The following GPR176 variants were observed in gnomAD, a reference collection of about 807,000 sequenced individuals.
GPR176 encodes the protein G-protein coupled receptor 176.
Under a neutral mutation model 35.4 loss-of-function variants are expected in GPR176, and 26 were observed. The ratio of observed to expected loss-of-function variants is 0.74; its 90% CI spans 0.54 to 1.02. The LOEUF (loss-of-function observed/expected upper bound fraction) is 1.02. Among genes scored for constraint, GPR176 ranks in the 50% least tolerant of loss-of-function variants. The probability of loss-of-function intolerance (pLI) is 0.00; values close to 1 mark genes in which losing one functional copy is unlikely to be tolerated. For synonymous variants in GPR176, 278 were observed against 271.3 expected, an observed-to-expected ratio of 1.02 and a Z score of -0.24; for missense variants, 597 against 665.3, an observed-to-expected ratio of 0.90 and a Z score of 1.13.
chr15:39,889,962 C>T (rs1391067953), intron 1 of GPR176, among the ~76,000 whole-genome samples: 1 of 152,164 alleles, frequency 6.6e-6, no homozygotes, highest in African/African-American at 2.4e-5. Context: ...GTTTTAGAGC[C>T]TATGTCCATA....
intron 1 of GPR176, among the ~76,000 whole-genome samples, chr15:39,834,211 A>G (rs1901261016): frequency 6.6e-6 from 1 of 152,200 alleles, no homozygotes; most frequent in Non-Finnish European, 1.5e-5. Context: ...GAAGAAAAAG[A>G]ATCCAGCTCT....
At chr15:39,884,690 C>A (rs797012989) in intron 1 of GPR176, among the ~76,000 whole-genome samples, 1 of 152,086 alleles carries the variant, frequency 6.6e-6, no homozygotes, top group Non-Finnish European at 1.5e-5. Context: ...GTGTTGTATA[C>A]CAGGCAGAAG....
At chr15:39,917,518 T>C (rs2033758398) in intron 1 of GPR176, among the ~76,000 whole-genome samples, 2 of 151,342 alleles carry the variant, frequency 1.3e-5, no homozygotes, top group African/African-American at 4.8e-5. Flanking sequence ...GTATTTTTAG[T>C]ACAGTCGGGA....
intron 1 of GPR176, among the ~76,000 whole-genome samples, chr15:39,818,327 C>T (rs1900052225): frequency 6.6e-6 from 1 of 152,154 alleles, no homozygotes; most frequent in Non-Finnish European, 1.5e-5. Context: ...AAAGTTCAAA[C>T]TAAGCAGGAG....
intron 1 of GPR176, among the ~76,000 whole-genome samples, chr15:39,817,712 G>C (rs1900008837): frequency 6.6e-6 from 1 of 152,210 alleles, no homozygotes; most frequent in Non-Finnish European, 1.5e-5. Flanking sequence ...GCAAGAGAGA[G>C]AGCGAGGGAA....
intron 1 of GPR176, among the ~76,000 whole-genome samples, chr15:39,912,795 AT>A (rs1404414131): frequency 6.6e-6 from 1 of 152,180 alleles, no homozygotes. Context: ...AAACATAGCT[AT>A]GTTTCTTTGT....
At chr15:39,912,025 T>TA (rs1239647092) in intron 1 of GPR176, among the ~76,000 whole-genome samples, 1 of 152,196 alleles carries the variant, frequency 6.6e-6, no homozygotes, top group Non-Finnish European at 1.5e-5. Flanking sequence ...GGAATACAGA[T>TA]ACTGCTAACT....
At chr15:39,883,156 T>C (rs754759862) in intron 1 of GPR176, among the ~76,000 whole-genome samples, 3 of 152,208 alleles carry the variant, frequency 2.0e-5, no homozygotes, top group Non-Finnish European at 4.4e-5. Flanking sequence ...TCAATCTGAA[T>C]TATCCAAACT....
In GPR176 at chr15:39,916,879, C is replaced by T. The variant is rs533082615; in HGVS notation, c.172+2976G>A. Among the ~76,000 whole-genome samples, 16 of 152,286 alleles carry T rather than the reference C, an allele frequency of 1.1e-4. No homozygotes were observed. In the East Asian group the frequency reaches 2.7e-3, roughly 26 times the overall value. Reference sequence around the variant, plus strand: ...AGTTTTCTTGCCTTGCTTCTGACTGCACATGGCTTTGAAACTTAAGCTCTG... The same window carrying T: ...AGTTTTCTTGCCTTGCTTCTGACTGTACATGGCTTTGAAACTTAAGCTCTG... On this transcript the variant is annotated intron_variant, in intron 1 of 2. Transcript: ENST00000561100.
intron 1 of GPR176, among the ~76,000 whole-genome samples, chr15:39,844,870 G>A (rs1241167591): frequency 6.6e-6 from 1 of 152,080 alleles, no homozygotes; most frequent in Non-Finnish European, 1.5e-5. Flanking sequence ...CAACCATCCT[G>A]GTTTGTCCAG....
intron 1 of GPR176, among the ~76,000 whole-genome samples, chr15:39,899,614 A>G (rs1374346143): frequency 6.6e-6 from 1 of 152,242 alleles, no homozygotes; most frequent in Non-Finnish European, 1.5e-5. Flanking sequence ...TAATGCTAGA[A>G]TGAATGATCA....
chr15:39,906,478 A>G (rs2033424898), intron 1 of GPR176, among the ~76,000 whole-genome samples: 1 of 152,234 alleles, frequency 6.6e-6, no homozygotes, highest in Non-Finnish European at 1.5e-5. Flanking sequence ...AGGAAGGGTC[A>G]TGTCCCCAGG....
chr15:39,811,389 G>T (rs898817215), intron 1 of GPR176, among the ~76,000 whole-genome samples: 1 of 152,052 alleles, frequency 6.6e-6, no homozygotes, highest in Admixed American at 6.5e-5. Flanking sequence ...CATCCTGCCA[G>T]TTGTTTCCTA....
chr15:39,916,784 A>G (rs1270804025), intron 1 of GPR176, among the ~76,000 whole-genome samples: 2 of 152,256 alleles, frequency 1.3e-5, no homozygotes, highest in South Asian at 2.1e-4. Flanking sequence ...TCAATCATAC[A>G]GATTCCTTTT....
chr15:39,879,546 C>G (rs1566960630), intron 1 of GPR176, among the ~76,000 whole-genome samples: 1 of 152,116 alleles, frequency 6.6e-6, no homozygotes, highest in Non-Finnish European at 1.5e-5. Flanking sequence ...TCAGAGCTCC[C>G]CCTCCTTGAC....
intron 1 of GPR176, among the ~76,000 whole-genome samples, chr15:39,820,548 C>A (rs1244655648): frequency 6.6e-6 from 1 of 152,088 alleles, no homozygotes; most frequent in African/African-American, 2.4e-5. Context: ...CTGGCCTAGA[C>A]CCAGAATATC....
intron 1 of GPR176, among the ~76,000 whole-genome samples, chr15:39,863,343 G>A (rs1364596153): frequency 6.6e-6 from 1 of 151,172 alleles, no homozygotes; most frequent in Admixed American, 6.6e-5. Context: ...AAGTTTAAAA[G>A]TTTAAAAAAT....
At chr15:39,812,527 G>A (rs1171353853) in intron 1 of GPR176, among the ~76,000 whole-genome samples, 4 of 152,164 alleles carry the variant, frequency 2.6e-5, no homozygotes, top group Non-Finnish European at 4.4e-5. Flanking sequence ...ACTGAAGGCT[G>A]CACTATTGGC....
chr15:39,859,992 TC>T (rs1175665884), intron 1 of GPR176, among the ~76,000 whole-genome samples: 66 of 66,628 alleles, frequency 9.9e-4, no homozygotes, highest in African/African-American at 3.9e-3. Context: ...AAGGCTTAAA[TC>T]AAAAAAAAAA....
Sources: allele counts gnomAD v4.1 joint callset (sites outside exome capture counted in the v4.1 genomes callset), GRCh38; gene constraint gnomAD v4.1.1; transcripts MANE v1.5; gene names NCBI Gene and HGNC (gene_info 2026-07-23, HGNC 2026-07-21).